The following DIAPH3 variants were observed in gnomAD, a reference collection of about 807,000 sequenced individuals.
The protein encoded by DIAPH3 is protein diaphanous homolog 3.
A neutral mutation model predicts 144.3 loss-of-function variants in DIAPH3; 117 were observed. The ratio of observed to expected loss-of-function variants is 0.81; its 90% CI spans 0.70 to 0.95. The LOEUF is 0.95. Ranked by LOEUF, DIAPH3 falls within the 40% of genes least tolerant of loss-of-function variation. The pLI, the probability that DIAPH3 is intolerant of heterozygous loss-of-function variation, is 0.00. For missense variants in DIAPH3, 1,421 were observed against 1,412.7 expected, an observed-to-expected ratio of 1.01 and a Z score of -0.09; for synonymous variants, 519 against 488.9, an observed-to-expected ratio of 1.06 and a Z score of -0.81.
Position 60,016,122 on chromosome 13 carries a change from T to G in DIAPH3, c.650A>C (p.Glu217Ala), listed in dbSNP as rs372830432. The change falls in exon 6 of 28, where the codon GAA (glutamate) becomes GCA (alanine). Residue 217 changes from glutamate (E) to alanine (A), a missense_variant. Glu to Ala is a moderately radical substitution (Grantham distance 107, BLOSUM62 -1). Transcript: ENST00000400324. ...AATGTCTAATAATAATCCAAGCCCT[T>G]CATGTCCAAAGCTTTCCACCCAACT... is the stretch of plus-strand genomic sequence containing the variant. ...PVSWVESFGH[E>A]GLGLLLDILE... The G allele has an allele frequency of 1.2e-6, 2 of 1,613,660 alleles. No homozygotes were observed. Among genetic ancestry groups the G allele is most frequent in the African/African-American group, 2.7e-5 (2 of 74,912 alleles).
At chr13:59,667,188 C>A (rs1211815430) in intron 27 of DIAPH3, among the ~76,000 whole-genome samples, 1 of 152,186 alleles carries the variant, frequency 6.6e-6, no homozygotes, top group Non-Finnish European at 1.5e-5. Context: ...CCTTCCCTAG[C>A]CACCCATCTA....
intron 5 of DIAPH3, among the ~76,000 whole-genome samples, chr13:60,040,226 CAAAAAAA>C (rs5803983): frequency 2.9e-5 from 1 of 34,834 alleles, no homozygotes; most frequent in African/African-American, 1.4e-4. Flanking sequence ...GACTCCATCT[CAAAAAAA>C]AAAAAAAAAA....
intron 9 of DIAPH3, among the ~76,000 whole-genome samples, chr13:60,008,132 G>A (rs780558180): frequency 2.0e-5 from 3 of 152,150 alleles, no homozygotes; most frequent in East Asian, 1.9e-4. Flanking sequence ...AGTGGCTCAT[G>A]CCTGTAATCC....
intron 1 of DIAPH3, among the ~76,000 whole-genome samples, chr13:60,139,839 C>T (rs1180586910): frequency 6.6e-6 from 1 of 152,158 alleles, no homozygotes; most frequent in Admixed American, 6.5e-5. Context: ...AGCTTTTGTA[C>T]ATATTTTAAG....
intron 27 of DIAPH3, among the ~76,000 whole-genome samples, chr13:59,740,162 G>A (rs2036377003): frequency 6.6e-6 from 1 of 152,062 alleles, no homozygotes; most frequent in South Asian, 2.1e-4. Flanking sequence ...CGAGGTTATG[G>A]TACAGAATTG....
At chr13:59,989,769 T>C (rs1594245059) in intron 12 of DIAPH3, among the ~76,000 whole-genome samples, 1 of 152,062 alleles carries the variant, frequency 6.6e-6, no homozygotes, top group South Asian at 2.1e-4. Context: ...TACAACCACA[T>C]GCTCTCTTGG....
At chr13:60,040,547 T>C (rs1339998891) in intron 5 of DIAPH3, among the ~76,000 whole-genome samples, 1 of 147,142 alleles carries the variant, frequency 6.8e-6, no homozygotes, top group Non-Finnish European at 1.5e-5. Context: ...AAACCTTCTA[T>C]TTTGTTTTCT....
At chr13:59,847,962 C>A (rs763282135) in intron 22 of DIAPH3, among the ~76,000 whole-genome samples, 1 of 152,154 alleles carries the variant, frequency 6.6e-6, no homozygotes, top group Non-Finnish European at 1.5e-5. Context: ...TTGACTTGCC[C>A]CTACATCGCA....
chr13:60,075,215 A>G (rs918447914), intron 4 of DIAPH3, among the ~76,000 whole-genome samples: 1 of 152,164 alleles, frequency 6.6e-6, no homozygotes, highest in Admixed American at 6.5e-5. Flanking sequence ...TGGATGTATG[A>G]CATTCATTAT....
In DIAPH3 at chr13:60,008,395, C is replaced by CAAAT. The variant is rs556760955; in HGVS notation, c.1014+145_1014+148dup. 859 of 606,572 alleles carry CAAAT rather than the reference C, an allele frequency of 1.4e-3. 4 individuals are homozygous for CAAAT. The highest frequency in any genetic ancestry group is 0.011 in the African/African-American group (611 of 53,426). The allele number at this position is 606,572 out of a possible 1,614,324, so 37.6% of individuals were successfully genotyped here. A position where few individuals can be genotyped will look rare whatever the true frequency, so the allele number is the denominator to read the frequency against. ...TGGGCGACAAAGCAAGACTCCGTCT[C>CAAAT]AAATAAATAAATAAATAAATAATGC... On this transcript the variant is annotated intron_variant, in intron 9 of 27. Transcript: ENST00000400324.
intron 3 of DIAPH3, among the ~76,000 whole-genome samples, chr13:60,105,099 C>CAAAAAAAAAAAAAAAAAAAAA (rs60853102): frequency 5.7e-4 from 24 of 41,820 alleles, no homozygotes; most frequent in East Asian, 1.4e-3. Flanking sequence ...GACACGATCT[C>CAAAAAAAAAAAAAAAAAAAAA]AAAAAAAAAA....
intron 25 of DIAPH3, among the ~76,000 whole-genome samples, chr13:59,795,278 A>T (rs1261597875): frequency 1.3e-5 from 2 of 152,220 alleles, no homozygotes; most frequent in African/African-American, 2.4e-5. Flanking sequence ...AGCATGAGAC[A>T]GTAGATAGGC....
At chr13:60,060,882 C>G (rs911424663) in intron 4 of DIAPH3, among the ~76,000 whole-genome samples, 1 of 151,948 alleles carries the variant, frequency 6.6e-6, no homozygotes, top group Non-Finnish European at 1.5e-5. Flanking sequence ...TCTGTAAAAA[C>G]CCAGCTATCC....
intron 25 of DIAPH3, among the ~76,000 whole-genome samples, chr13:59,800,454 C>T (rs1198684375): frequency 6.6e-6 from 1 of 152,148 alleles, no homozygotes; most frequent in Admixed American, 6.5e-5. Flanking sequence ...ATGAGTGTAG[C>T]AATTCTGAAC....
rs368324182 is a variant in DIAPH3 at position 60,016,087 on chromosome 13, G to A, written c.685C>T (p.Leu229=). Residue 229 remains leucine, a synonymous_variant, in exon 6 of 28, where the codon CTG becomes TTG. Coordinates refer to ENST00000400324, the MANE Select transcript of DIAPH3 (RefSeq NM_001042517.2). ...LGLLLDILEK[L]ISGKIQEKVV... ...AATACTTACATTTTTCCACTAATCA[G>A]TTTTTCCAAAATGTCTAATAATAAT... 1.1e-4 allele frequency: 180 copies of A among 1,613,372 alleles called. No homozygotes were observed. Among genetic ancestry groups the A allele is most frequent in the Non-Finnish European group, 1.5e-4 (176 of 1,179,754 alleles).
rs560162498 is a variant in DIAPH3 at position 59,714,226 on chromosome 13, G to T, written c.3320-47380C>A. On this transcript the variant is annotated intron_variant, in intron 27 of 27. Transcript: ENST00000400324. ...ATACAAAAAATTAGCCGGGCGTAGT[G>T]GCGGGCGCCTGTAGTCCCAGCTACT... Among the ~76,000 whole-genome samples, 4 of 151,108 alleles carry T rather than the reference G, an allele frequency of 2.6e-5. No individual in the cohort carries two copies. In the South Asian group the frequency reaches 8.5e-4, roughly 32 times the overall value.
intron 17 of DIAPH3, among the ~76,000 whole-genome samples, chr13:59,936,950 T>A (rs1311608759): frequency 1.3e-5 from 2 of 152,022 alleles, no homozygotes; most frequent in Non-Finnish European, 2.9e-5. Context: ...GATCATGAGG[T>A]CAGGAGATCG....
At chr13:59,896,002 C>T (rs1379301685) in intron 20 of DIAPH3, among the ~76,000 whole-genome samples, 1 of 152,150 alleles carries the variant, frequency 6.6e-6, no homozygotes, top group East Asian at 1.9e-4. Flanking sequence ...TTACCTTTTT[C>T]CCACCTCCTG....
Position 59,729,973 on chromosome 13 carries a change from T to A in DIAPH3, c.3319+44216A>T, listed in dbSNP as rs185011330. 3.1e-3 allele frequency among the ~76,000 whole-genome samples: 477 copies of A among 151,968 alleles called. 3 individuals are homozygous for A. Among genetic ancestry groups the A allele is most frequent in the African/African-American group, 0.01 (420 of 41,440 alleles). On this transcript the variant is annotated intron_variant, in intron 27 of 27. Transcript: ENST00000400324. ...AAAATACTCTGAATAAAAATAAAAT[T>A]CAGATGGATCACAGAATTAAGTATA... is the stretch of plus-strand genomic sequence containing the variant.
Sources: gnomAD v4.1 joint callset for allele counts (sites outside exome capture counted in the v4.1 genomes callset) on GRCh38, gnomAD v4.1.1 for gene constraint, MANE v1.5 for transcripts, NCBI Gene and HGNC (gene_info 2026-07-23, HGNC 2026-07-21) for gene names.